The following PPM1J variants were observed in gnomAD, a reference collection of about 807,000 sequenced individuals.
PPM1J encodes protein phosphatase 1J.
PPM1J carries 43 observed loss-of-function variants against 53.3 expected under a neutral mutation model. That is an observed-to-expected ratio of 0.81 (90% CI 0.63 to 1.04). The LOEUF is 1.04. PPM1J is among the 50% of genes least tolerant of loss of function. The pLI, the probability that PPM1J is intolerant of heterozygous loss-of-function variation, is 0.00. For synonymous variants in PPM1J, 267 were observed against 286.4 expected (o/e 0.93, Z 0.68); for missense variants, 635 against 685.9 (o/e 0.93, Z 0.83).
intron 1 of PPM1J, chr1:112,714,338 G>T: frequency 3.0e-6 from 3 of 985,548 alleles, no homozygotes; most frequent in Non-Finnish European, 3.6e-6. Flanking sequence ...CAGCCCGGGG[G>T]CCAGCCGGCC....
In PPM1J at chr1:112,711,403, A is replaced by T. The variant is rs750946105; in HGVS notation, c.928-19T>A. On this transcript the variant is annotated intron_variant, in intron 5 of 9. Transcript: ENST00000309276. Reference sequence around the variant, plus strand: ...GGAAGCCCTGGAGTTGGGGATGATCAGAACAGAGAGCCAGGGGGCATTATG... The same window carrying T: ...GGAAGCCCTGGAGTTGGGGATGATCTGAACAGAGAGCCAGGGGGCATTATG... 4 of 1,497,930 alleles carry T rather than the reference A, an allele frequency of 2.7e-6. No homozygotes were observed. The East Asian group carries it at 6.9e-5, about 26-fold the overall frequency. 92.8% of individuals were successfully genotyped at this position (1,497,930 alleles called of 1,614,324 possible). A position where few individuals can be genotyped will look rare whatever the true frequency, so the allele number is the denominator to read the frequency against.
At chr1:112,711,501 A>G (rs1308779348) in intron 5 of PPM1J, 117 bp from the exon 6 acceptor site, 2 of 637,922 alleles carry the variant, frequency 3.1e-6, no homozygotes, top group South Asian at 3.9e-5. Flanking sequence ...CATGTGCCAC[A>G]CGTTATTCTA....
intron 1 of PPM1J, chr1:112,714,139 C>G: frequency 6.0e-6 from 6 of 1,000,954 alleles, no homozygotes; most frequent in Non-Finnish European, 7.2e-6. Flanking sequence ...GAAAGAGGAA[C>G]TGAAATAGAG....
intron 5 of PPM1J, 57 bp downstream of exon 5, chr1:112,711,914 G>T: frequency 2.4e-6 from 3 of 1,244,446 alleles, no homozygotes; most frequent in Non-Finnish European, 3.4e-6. Context: ...GCCATGGGGT[G>T]CAGGGAGGCA....
intron 1 of PPM1J, 89 bp from the exon 2 acceptor site, chr1:112,713,700 C>A (rs984552247): frequency 9.1e-7 from 1 of 1,095,464 alleles, no homozygotes; most frequent in Non-Finnish European, 1.4e-6. Context: ...CTCCTGCGCC[C>A]GCTGGCCAAG....
chr1:112,710,626 G>C lies in PPM1J; in HGVS notation c.1219-15C>G, dbSNP rs777318155. ...TACACTCGTACCTGGTGGGAGAAAA[G>C]GGCAGAGAGGATTGAGGTGTGGGGT... On this transcript the variant is annotated splice_polypyrimidine_tract_variant and intron_variant, in intron 8 of 9. Transcript: ENST00000309276. The C allele has an allele frequency of 1.2e-6, 2 of 1,614,076 alleles. No homozygotes were observed. Among genetic ancestry groups the C allele is most frequent in the South Asian group, 2.2e-5 (2 of 91,078 alleles).
rs755234528 is a variant in PPM1J at position 112,710,297 on chromosome 1, C to T, written c.1384G>A (p.Ala462Thr). ...CGGGCCCCCAGGACCAGAGCTTGGGCCAGAGCTGTATACCTGCCAGGAGCA... is the reference window on the plus strand; with the variant it reads ...CGGGCCCCCAGGACCAGAGCTTGGGTCAGAGCTGTATACCTGCCAGGAGCA... ...PNDHSRYTAL[A>T]QALVLGARGT... is the part of the protein sequence containing the mutation. Residue 462 changes from alanine to threonine, a missense_variant, in exon 10 of 10, where the codon GCC becomes ACC. Coordinates refer to ENST00000309276, the MANE Select transcript of PPM1J (RefSeq NM_005167.7). 1 of 1,612,048 alleles carries T rather than the reference C, an allele frequency of 6.2e-7. No homozygotes were observed.
intron 1 of PPM1J, 150 bp from the exon 2 acceptor site, chr1:112,713,761 G>A (rs1314053682): frequency 1.4e-6 from 1 of 712,966 alleles, no homozygotes; most frequent in African/African-American, 1.7e-5. Context: ...AGGAGGAGAA[G>A]GGAGGGCTGG....
chr1:112,710,241 G>A lies in PPM1J; in HGVS notation c.1440C>T (p.Leu480=). 6.3e-7 allele frequency: 1 copy of A among 1,592,568 alleles called. No homozygotes were observed. The change falls in exon 10 of 10, where the codon CTC becomes CTT. Residue 480 remains leucine, a synonymous_variant. Coordinates refer to ENST00000309276, the MANE Select transcript of PPM1J (RefSeq NM_005167.7). ...CCCCGGAACCCAGCTTGTTGTTGGG[G>A]AGACGCCAGCCACGGTCTCGGGGGG... ...RGTPRDRGWR[L]PNNKLGSGDD...
chr1:112,715,058 G>C lies in PPM1J; in HGVS notation c.244C>G (p.Arg82Gly). The C allele has an allele frequency of 6.5e-7, 1 of 1,540,922 alleles. No individual in the cohort carries two copies. Among genetic ancestry groups the C allele is most frequent in the Non-Finnish European group, 8.7e-7 (1 of 1,152,868 alleles). The change falls in exon 1 of 10, where the codon CGC becomes GGC. Residue 82 changes from arginine (R) to glycine (G), a missense_variant. Transcript: ENST00000309276. The surrounding 1 kb of genome is among the most constrained non-coding windows in gnomAD (Gnocchi z 4.4). ...FLQLSPGGLRRADDHAGRAVQ... is the reference protein window; with the variant it reads ...FLQLSPGGLRGADDHAGRAVQ... ...GCCCGGCCCGCGTGGTCATCGGCGC[G>C]TCGCAGCCCCCCGGGGCTCAGCTGC...
Position 112,715,022 on chromosome 1 carries a change from G to T in PPM1J, c.280C>A (p.Pro94Thr). 6.7e-7 allele frequency: 1 copy of T among 1,491,498 alleles called. No homozygotes were observed. The highest frequency in any genetic ancestry group is 8.9e-7 in the Non-Finnish European group (1 of 1,129,282). 92.4% of individuals were successfully genotyped at this position (1,491,498 alleles called of 1,614,324 possible). ...DDHAGRAVQS[P>T]PDTGRRLPWS... ...GGCAGGCGGCGGCCCGTGTCCGGGG[G>T]GCTTTGCACAGCCCGGCCCGCGTGG... The change falls in exon 1 of 10, where the codon CCC (proline) becomes ACC (threonine). Residue 94 changes from proline (P) to threonine (T), a missense_variant. Pro to Thr is a conservative substitution (Grantham distance 38). Transcript: ENST00000309276. The surrounding 1 kb of genome is among the most constrained non-coding windows in gnomAD (Gnocchi z 4.4).
Position 112,710,269 on chromosome 1 carries a change from C to A in PPM1J, c.1412G>T (p.Gly471Val). ...LAQALVLGAR[G>V]TPRDRGWRLP... is the part of the protein sequence containing the mutation. ...ACGCCAGCCACGGTCTCGGGGGGTA[C>A]CCCGGGCCCCCAGGACCAGAGCTTG... The change falls in exon 10 of 10, where the codon GGT (glycine) becomes GTT (valine). Residue 471 changes from glycine to valine, a missense_variant. Gly to Val is a moderately radical substitution (Grantham distance 109). Coordinates refer to ENST00000309276, the MANE Select transcript of PPM1J (RefSeq NM_005167.7). The A allele has an allele frequency of 6.2e-7, 1 of 1,605,296 alleles. No homozygotes were observed. The highest frequency in any genetic ancestry group is 8.5e-7 in the Non-Finnish European group (1 of 1,177,846).
intron 2 of PPM1J, among the ~76,000 whole-genome samples, 166 bp from the exon 3 acceptor site, chr1:112,713,197 G>A (rs564678791): frequency 2.6e-5 from 4 of 152,152 alleles, no homozygotes; most frequent in South Asian, 2.1e-4. Context: ...ATAAGGCTTC[G>A]TATGTGTCAA....
rs750750201 is a variant in PPM1J at position 112,714,977 on chromosome 1, C to A, written c.325G>T (p.Glu109Ter). 1 of 1,406,574 alleles carries A rather than the reference C, an allele frequency of 7.1e-7. No individual in the cohort carries two copies. The highest frequency in any genetic ancestry group is 3.0e-5 in the East Asian group (1 of 33,898). The allele number at this position is 1,406,574 out of a possible 1,614,324, so 87.1% of individuals were successfully genotyped here. The change falls in exon 1 of 10, where the codon GAG (glutamate) becomes TAG (stop). Residue 109 changes from glutamate (E) to a stop codon, truncating the protein, a stop_gained and splice_region_variant. Coordinates refer to ENST00000309276, the MANE Select transcript of PPM1J (RefSeq NM_005167.7). LOFTEE classifies it high-confidence loss of function. ...RRLPWSTGYA[E>*]VINAGKSRHN... ...TTGGGTGCCCCAGGGGGCGCTCACT[C>A]GGCGTAGCCTGTGCTCCAGGGCAGG...
At chr1:112,712,592 G>A in intron 3 of PPM1J, 135 bp from the exon 4 acceptor site, 1 of 1,102,946 alleles carries the variant, frequency 9.1e-7, no homozygotes, top group South Asian at 1.5e-5. Context: ...GGAAGACTGG[G>A]GTGTAACTGC....
Position 112,712,363 on chromosome 1 carries a change from G to A in PPM1J, c.824C>T (p.Ala275Val). 3 of 1,613,236 alleles carry A rather than the reference G, an allele frequency of 1.9e-6. No homozygotes were observed. The highest frequency in any genetic ancestry group is 2.5e-6 in the Non-Finnish European group (3 of 1,179,656). The change falls in exon 4 of 10, where the codon GCC becomes GTC. Residue 275 changes from alanine to valine, a missense_variant. Physicochemically the swap from Ala to Val is moderately conservative, Grantham distance 64 (BLOSUM62 0). Transcript: ENST00000309276. Reference protein sequence around the residue: ...VIYLLGKVYVANAGDSRAIIV... With the variant: ...VIYLLGKVYVVNAGDSRAIIV... ...CCCATACCTGCTATCGCCTGCATTGGCCACGTACACCTTGCCTAGCAGGTA... is the reference window on the plus strand; with the variant it reads ...CCCATACCTGCTATCGCCTGCATTGACCACGTACACCTTGCCTAGCAGGTA...
intron 2 of PPM1J, 67 bp downstream of exon 2, chr1:112,713,429 TA>T: frequency 8.7e-7 from 1 of 1,150,856 alleles, no homozygotes; most frequent in Non-Finnish European, 1.3e-6. Context: ...GGCTCAGATT[TA>T]AAACCAGAGG....
At chr1:112,712,723 T>A in intron 3 of PPM1J, 21 bp downstream of exon 3, 8 of 1,589,702 alleles carry the variant, frequency 5.0e-6, no homozygotes, top group Non-Finnish European at 6.0e-6. Context: ...AGCAGGCTCT[T>A]GGCCCAGGTC....
chr1:112,712,934 T>A lies in PPM1J; in HGVS notation c.539A>T (p.Gln180Leu). Reference sequence around the variant, plus strand: ...AAGTATCTCTACCAGGTCCTTTAGCTGCTCTCGGATATGGCGATGCAGGAG... The same window carrying A: ...AAGTATCTCTACCAGGTCCTTTAGCAGCTCTCGGATATGGCGATGCAGGAG... ...SRLLHRHIRE[Q>L]LKDLVEILQD... is the part of the protein sequence containing the mutation. Residue 180 changes from glutamine to leucine, a missense_variant, in exon 3 of 10, where the codon CAG becomes CTG. Coordinates refer to ENST00000309276, the MANE Select transcript of PPM1J (RefSeq NM_005167.7). 3 of 1,614,008 alleles carry A rather than the reference T, an allele frequency of 1.9e-6. No homozygotes were observed. Among genetic ancestry groups the A allele is most frequent in the Non-Finnish European group, 1.7e-6 (2 of 1,180,018 alleles).
Sources: gnomAD v4.1 joint callset for allele counts (sites outside exome capture counted in the v4.1 genomes callset) on GRCh38, gnomAD v4.1.1 for gene constraint, Gnocchi (gnomAD v3.1) non-coding constraint, MANE v1.5 for transcripts, NCBI Gene and HGNC (gene_info 2026-07-23, HGNC 2026-07-21) for gene names.